The following TMEM177 variants were observed in gnomAD, a reference collection of about 807,000 sequenced individuals.
TMEM177 encodes the protein transmembrane protein 177.
Under a neutral mutation model 14.2 loss-of-function variants are expected in TMEM177, and 4 were observed. The observed-to-expected ratio is 0.28, with a 90% CI of 0.14 to 0.64. The LOEUF (loss-of-function observed/expected upper bound fraction) is 0.64, where lower values mean the gene tolerates loss of function less well. Ranked by LOEUF, TMEM177 falls within the 30% of genes least tolerant of loss-of-function variation. The pLI, the probability that TMEM177 is intolerant of heterozygous loss-of-function variation, is 0.82. For missense variants in TMEM177, 344 were observed against 405.2 expected (o/e 0.85, Z 1.30); for synonymous variants, 179 against 174.5 (o/e 1.03, Z -0.20).
At chr2:119,685,361 A>T (rs1166281130), downstream of TMEM177, among the ~76,000 whole-genome samples, 1 of 151,890 alleles carries the variant, frequency 6.6e-6, no homozygotes, top group East Asian at 1.9e-4. Flanking sequence ...CTGCTGCCTC[A>T]GTCCCCACCA....
chr2:119,685,632 G>T (rs1161737328), downstream of TMEM177: 2 of 717,202 alleles, frequency 2.8e-6, no homozygotes, highest in Non-Finnish European at 5.2e-6. Flanking sequence ...CATGTGGTTG[G>T]TAATATTATT....
intron 1 of TMEM177, 99 bp from the exon 2 acceptor site, chr2:119,680,733 G>C: frequency 1.1e-6 from 1 of 881,844 alleles, no homozygotes; most frequent in Non-Finnish European, 1.7e-6. Flanking sequence ...CCACTATGCT[G>C]TGTTACTTTG....
chr2:119,694,843 A>T, the TMEM177 span, among the ~76,000 whole-genome samples: 1 of 152,160 alleles, frequency 6.6e-6, no homozygotes, highest in African/African-American at 2.4e-5. Context: ...GGGAGTTGCT[A>T]CCACAGCATC....
the TMEM177 span, among the ~76,000 whole-genome samples, chr2:119,718,668 C>T: frequency 6.6e-6 from 1 of 152,130 alleles, no homozygotes. Flanking sequence ...GCTGCCTGAG[C>T]CCCTGTTTTA....
chr2:119,689,246 T>G (rs1293128748), downstream of TMEM177, among the ~76,000 whole-genome samples: 5 of 152,216 alleles, frequency 3.3e-5, no homozygotes, highest in Non-Finnish European at 2.9e-5. Flanking sequence ...AGGTGCAGTG[T>G]GAGGTCCTGG....
the TMEM177 span, among the ~76,000 whole-genome samples, chr2:119,694,334 TCACA>T: frequency 6.7e-6 from 1 of 148,740 alleles, no homozygotes; most frequent in East Asian, 2.0e-4. Context: ...TCACCTCACC[TCACA>T]CACACACACC....
chr2:119,712,188 T>C, the TMEM177 span, among the ~76,000 whole-genome samples: 1 of 151,784 alleles, frequency 6.6e-6, no homozygotes, highest in South Asian at 2.1e-4. Flanking sequence ...TCTTTATCTA[T>C]AAAAATGGAG....
At position 119,681,281 on chromosome 2, in the gene TMEM177, T is replaced by C. The variant is rs1311937198; in HGVS notation, c.428T>C (p.Leu143Pro). 1 of 1,614,264 alleles carries C rather than the reference T, an allele frequency of 6.2e-7. No individual in the cohort carries two copies. Among genetic ancestry groups the C allele is most frequent in the South Asian group, 1.1e-5 (1 of 91,090 alleles). ...SPAGARLRAS[L>P]TLSREAQKFA... ...GCAGGCGCCCGGCTGAGAGCTTCCC[T>C]GACCTTGTCCCGTGAAGCCCAGAAG... Residue 143 changes from leucine (L) to proline (P), a missense_variant, in exon 2 of 2, where the codon CTG becomes CCG. Leu to Pro is a moderately conservative substitution (Grantham distance 98). Transcript: ENST00000272521.
chr2:119,684,618 A>G (rs1291434970), downstream of TMEM177, among the ~76,000 whole-genome samples: 2 of 152,232 alleles, frequency 1.3e-5, no homozygotes, highest in African/African-American at 4.8e-5. Context: ...ACACAGCCCC[A>G]GCTTCCTAAA....
At chr2:119,704,112 C>T in the TMEM177 span, among the ~76,000 whole-genome samples, 9 of 152,074 alleles carry the variant, frequency 5.9e-5, no homozygotes, top group African/African-American at 1.9e-4. Context: ...GGAATGCAGC[C>T]GAAAGGAGTG....
At chr2:119,704,481 C>T in the TMEM177 span, among the ~76,000 whole-genome samples, 1 of 152,026 alleles carries the variant, frequency 6.6e-6, no homozygotes, top group South Asian at 2.1e-4. Context: ...GGCTGTAATC[C>T]CAGCTACTTG....
Position 119,681,861 on chromosome 2 carries a change from G to C in TMEM177, c.*72G>C. 6.8e-7 allele frequency: 1 copy of C among 1,470,098 alleles called. No homozygotes were observed. The highest frequency in any genetic ancestry group is 1.3e-5 in the South Asian group (1 of 79,198). 91.1% of individuals were successfully genotyped at this position (1,470,098 alleles called of 1,614,324 possible). On this transcript the variant is annotated 3_prime_UTR_variant, in exon 2 of 2. Coordinates refer to ENST00000272521, the MANE Select transcript of TMEM177 (RefSeq NM_030577.3). ...CCATTGAGTCTGGAGGGCCCTGTTG[G>C]AGCCTTTGGACCTATAGCTCACGGC... is the stretch of plus-strand genomic sequence containing the variant.
the TMEM177 span, among the ~76,000 whole-genome samples, chr2:119,719,855 G>A: frequency 1.3e-5 from 2 of 152,162 alleles, no homozygotes; most frequent in African/African-American, 4.8e-5. Context: ...GTACAGTGGT[G>A]CAATCATAGC....
chr2:119,718,297 C>T, the TMEM177 span, among the ~76,000 whole-genome samples: 4 of 152,168 alleles, frequency 2.6e-5, no homozygotes, highest in Non-Finnish European at 5.9e-5. Flanking sequence ...TATTTTAAGT[C>T]ATTTCCCCCA....
chr2:119,714,036 G>A, the TMEM177 span, among the ~76,000 whole-genome samples: 1 of 152,202 alleles, frequency 6.6e-6, no homozygotes, highest in African/African-American at 2.4e-5. Flanking sequence ...CGAGACCAGG[G>A]ATGTGGCTGA....
chr2:119,723,553 G>C, the TMEM177 span, among the ~76,000 whole-genome samples: 2 of 152,110 alleles, frequency 1.3e-5, no homozygotes, highest in African/African-American at 2.4e-5. Context: ...AACATCCAAC[G>C]TGAGAAAAAG....
chr2:119,709,238 T>C, the TMEM177 span, among the ~76,000 whole-genome samples: 2 of 152,206 alleles, frequency 1.3e-5, no homozygotes, highest in Admixed American at 6.5e-5. Flanking sequence ...GCCTGACAGA[T>C]TGTGGCTCTG....
the TMEM177 span, chr2:119,700,034 C>T: frequency 3.4e-6 from 1 of 296,632 alleles, no homozygotes; most frequent in South Asian, 4.3e-5. Flanking sequence ...GCTCTCCCTG[C>T]CACATCGAGA....
At chr2:119,691,972 A>C in the TMEM177 span, among the ~76,000 whole-genome samples, 1 of 152,190 alleles carries the variant, frequency 6.6e-6, no homozygotes, top group Non-Finnish European at 1.5e-5. Flanking sequence ...CCAGCCTCGC[A>C]GTCTGGACTC....
Sources: allele counts gnomAD v4.1 joint callset (sites outside exome capture counted in the v4.1 genomes callset), GRCh38; gene constraint gnomAD v4.1.1; transcripts MANE v1.5; gene names NCBI Gene and HGNC (gene_info 2026-07-23, HGNC 2026-07-21).